The following COLGALT2 variants were observed in gnomAD, a reference collection of about 807,000 sequenced individuals.
The protein encoded by COLGALT2 is procollagen galactosyltransferase 2.
In COLGALT2, 49 loss-of-function variants were observed where a neutral mutation model predicts 73.4. That is an observed-to-expected ratio of 0.67 (90% CI 0.53 to 0.85). COLGALT2 has a LOEUF of 0.85. COLGALT2 is among the 40% of genes least tolerant of loss of function. The pLI is 0.00. For synonymous variants in COLGALT2, 295 were observed against 307.6 expected (o/e 0.96, Z 0.43); for missense variants, 722 against 790.2 (o/e 0.91, Z 1.03).
intron 4 of COLGALT2, among the ~76,000 whole-genome samples, chr1:183,972,518 A>AT (rs1330596901): frequency 1.3e-5 from 2 of 152,196 alleles, no homozygotes; most frequent in Admixed American, 6.5e-5. Flanking sequence ...AGCCATGAGC[A>AT]TTCACTAAAA....
chr1:184,014,881 T>A (rs182226330), intron 1 of COLGALT2, among the ~76,000 whole-genome samples: 4 of 152,282 alleles, frequency 2.6e-5, no homozygotes, highest in Admixed American at 2.6e-4. Context: ...ACTGAAAATG[T>A]CCATGGAAAT....
intron 2 of COLGALT2, 43 bp from the exon 3 acceptor site, chr1:183,975,257 G>T: frequency 1.6e-6 from 2 of 1,232,166 alleles, no homozygotes; most frequent in Non-Finnish European, 2.4e-6. Flanking sequence ...GTGCCTACAT[G>T]TACCAGGCTC....
intron 1 of COLGALT2, among the ~76,000 whole-genome samples, chr1:184,001,379 G>T (rs1361032179): frequency 6.6e-6 from 1 of 152,012 alleles, no homozygotes; most frequent in Non-Finnish European, 1.5e-5. Context: ...ATCTTTTATA[G>T]ATTTTGGAAA....
At chr1:183,967,287 A>G (rs1039484276) in intron 5 of COLGALT2, among the ~76,000 whole-genome samples, 17 of 152,220 alleles carry the variant, frequency 1.1e-4, no homozygotes, top group African/African-American at 4.1e-4. Flanking sequence ...CTTCATGACT[A>G]TTAGTTGTGT....
chr1:183,950,092 T>G (rs1670354890), intron 8 of COLGALT2, among the ~76,000 whole-genome samples: 1 of 152,196 alleles, frequency 6.6e-6, no homozygotes, highest in South Asian at 2.1e-4. Flanking sequence ...TGGGACAAAT[T>G]TAACTGGCTA....
chr1:183,999,403 ATTAGG>A (rs1334933018), intron 1 of COLGALT2, among the ~76,000 whole-genome samples: 1 of 152,098 alleles, frequency 6.6e-6, no homozygotes, highest in Non-Finnish European at 1.5e-5. Flanking sequence ...TATGGGTAAA[ATTAGG>A]TAGTATTTTC....
chr1:183,959,395 A>T, intron 6 of COLGALT2, among the ~76,000 whole-genome samples: 1 of 152,150 alleles, frequency 6.6e-6, no homozygotes, highest in East Asian at 1.9e-4. Flanking sequence ...AACTTACGTG[A>T]CCAAAACTAG....
chr1:183,946,560 A>G (rs974593630), intron 8 of COLGALT2: 1 of 152,268 alleles, frequency 6.6e-6, no homozygotes, highest in Non-Finnish European at 1.5e-5. Context: ...TGTGGTATCT[A>G]TAAGAGGCAG....
intron 8 of COLGALT2, among the ~76,000 whole-genome samples, chr1:183,949,126 G>A (rs893345804): frequency 2.0e-5 from 3 of 152,134 alleles, no homozygotes; most frequent in Non-Finnish European, 2.9e-5. Flanking sequence ...CGAATCAGAA[G>A]ACTTCATATT....
At chr1:184,007,597 G>A (rs1034552695) in intron 1 of COLGALT2, among the ~76,000 whole-genome samples, 2 of 151,994 alleles carry the variant, frequency 1.3e-5, no homozygotes, top group Non-Finnish European at 2.9e-5. Context: ...TAATCTGTGG[G>A]TAGGTCTTGC....
At chr1:183,948,882 A>G (rs1386577429) in intron 8 of COLGALT2, among the ~76,000 whole-genome samples, 1 of 152,210 alleles carries the variant, frequency 6.6e-6, no homozygotes, top group Non-Finnish European at 1.5e-5. Context: ...GGGTTCAGCA[A>G]GGTTGCAGGA....
intron 1 of COLGALT2, among the ~76,000 whole-genome samples, chr1:184,036,765 G>A (rs1649692379): frequency 6.6e-6 from 1 of 152,236 alleles, no homozygotes; most frequent in Admixed American, 6.5e-5. Flanking sequence ...TTAAAAGCGA[G>A]GGAACTGAAA....
At chr1:183,999,826 G>C (rs1348207401) in intron 1 of COLGALT2, among the ~76,000 whole-genome samples, 1 of 151,876 alleles carries the variant, frequency 6.6e-6, no homozygotes, top group African/African-American at 2.4e-5. Flanking sequence ...CTGTTTGTAT[G>C]ACCAGTCTTA....
chr1:184,027,746 T>C (rs1271519272), intron 1 of COLGALT2, among the ~76,000 whole-genome samples: 9 of 152,254 alleles, frequency 5.9e-5, no homozygotes, highest in African/African-American at 2.2e-4. Flanking sequence ...TAGTTTGTCT[T>C]GCTAAATAAA....
At chr1:184,028,341 T>TCCTCCACA (rs1464297220) in intron 1 of COLGALT2, among the ~76,000 whole-genome samples, 5 of 152,196 alleles carry the variant, frequency 3.3e-5, no homozygotes, top group Non-Finnish European at 5.9e-5. Context: ...CACCAATCAA[T>TCCTCCACA]GTACCTCCAC....
chr1:183,960,872 AC>A (rs1263562230), intron 6 of COLGALT2, among the ~76,000 whole-genome samples: 2 of 152,068 alleles, frequency 1.3e-5, no homozygotes, highest in African/African-American at 4.8e-5. Flanking sequence ...AATATTGGAC[AC>A]CCCGTTCCTA....
intron 1 of COLGALT2, among the ~76,000 whole-genome samples, chr1:184,029,447 G>T (rs1649434662): frequency 6.6e-6 from 1 of 152,148 alleles, no homozygotes; most frequent in Non-Finnish European, 1.5e-5. Flanking sequence ...TGTCAACATG[G>T]GTCAGGCAAG....
intron 1 of COLGALT2, among the ~76,000 whole-genome samples, chr1:184,005,016 TA>T (rs1169780951): frequency 6.6e-6 from 1 of 152,166 alleles, no homozygotes; most frequent in Admixed American, 6.5e-5. Context: ...TAACAAGGAA[TA>T]GAAACTGGGG....
chr1:183,930,056 G>A, exon 12 of COLGALT2: 1 of 347,902 alleles, frequency 2.9e-6, no homozygotes, highest in Non-Finnish European at 5.7e-6. Context: ...GTTCCCAACT[G>A]CCTTAGACCA....
Sources: allele counts gnomAD v4.1 joint callset (sites outside exome capture counted in the v4.1 genomes callset), GRCh38; gene constraint gnomAD v4.1.1; transcripts MANE v1.5; gene names NCBI Gene and HGNC (gene_info 2026-07-23, HGNC 2026-07-21).